Variants in CREB5 observed in about 807,000 individuals in gnomAD.
CREB5 encodes the protein cAMP responsive element binding protein 5.
CREB5 carries 19 observed loss-of-function variants against 57.1 expected under a neutral mutation model. The observed-to-expected ratio is 0.33, with a 90% CI of 0.23 to 0.49. The LOEUF (loss-of-function observed/expected upper bound fraction) is 0.49, where lower values mean the gene tolerates loss of function less well. CREB5 is among the 20% of genes least tolerant of loss of function. The pLI is 0.99. For synonymous variants in CREB5, 238 were observed against 238.3 expected (o/e 1.00, Z 0.01); for missense variants, 579 against 671.6 (o/e 0.86, Z 1.52).
chr7:28,616,921 G>A (rs1473131086), intron 5 of CREB5, among the ~76,000 whole-genome samples: 2 of 152,144 alleles, frequency 1.3e-5, no homozygotes, highest in Non-Finnish European at 2.9e-5. Context: ...ACAAGTGTTT[G>A]TACTATCTAA....
chr7:28,633,873 C>A (rs1169546318), intron 5 of CREB5, among the ~76,000 whole-genome samples: 1 of 152,162 alleles, frequency 6.6e-6, no homozygotes, highest in East Asian at 1.9e-4. Flanking sequence ...TATTGGGCAG[C>A]ACAGAATTCA....
At chr7:28,376,865 A>T (rs1786841706) in intron 1 of CREB5, among the ~76,000 whole-genome samples, 1 of 152,198 alleles carries the variant, frequency 6.6e-6, no homozygotes, top group Non-Finnish European at 1.5e-5. Context: ...TATTTACATA[A>T]CTAGGTTGGC....
chr7:28,770,652 C>T (rs560085061), intron 7 of CREB5, among the ~76,000 whole-genome samples: 1 of 152,292 alleles, frequency 6.6e-6, no homozygotes, highest in South Asian at 2.1e-4. Context: ...AATTGATCAT[C>T]TAATGATGGT....
intron 1 of CREB5, 59 bp downstream of exon 1, chr7:28,412,976 T>G: frequency 1.5e-6 from 2 of 1,348,588 alleles, no homozygotes; most frequent in South Asian, 4.0e-5. Flanking sequence ...CTTAGTTAAA[T>G]AGAACCAATG....
In CREB5 at chr7:28,804,322, T is replaced by C. The variant is rs760551160; in HGVS notation, c.826T>C (p.Ser276Pro). 1.2e-6 allele frequency: 2 copies of C among 1,613,618 alleles called. No individual in the cohort carries two copies. Among genetic ancestry groups the C allele is most frequent in the East Asian group, 4.5e-5 (2 of 44,884 alleles). ...CCAGACGCCACACCATCACATGCACTCGCACCCGCATCAGCACCAGACACT... is the reference window on the plus strand; with the variant it reads ...CCAGACGCCACACCATCACATGCACCCGCACCCGCATCAGCACCAGACACT... ...QDQTPHHHMHSHPHQHQTLPP... is the reference protein window; with the variant it reads ...QDQTPHHHMHPHPHQHQTLPP... Residue 276 changes from serine (S) to proline (P), a missense_variant, in exon 8 of 11, where the codon TCG becomes CCG. This residue lies in a region of CREB5 where 459 missense variants were observed against 515.7 expected (regional missense o/e 0.89). Transcript: ENST00000357727.
intron 7 of CREB5, among the ~76,000 whole-genome samples, chr7:28,737,539 G>GTATATATA (rs59294932): frequency 7.5e-5 from 2 of 26,688 alleles, no homozygotes; most frequent in African/African-American, 1.2e-4. Flanking sequence ...ATATATATAC[G>GTATATATA]TATATATATA....
chr7:28,821,716 T>G lies in CREB5; in HGVS notation c.*2437T>G, dbSNP rs1809782222. ...TGAAATCAAAAATCATATTTCAAAA[T>G]TCTTTCCTAGGACCATCTATGTGTC... On this transcript the variant is annotated 3_prime_UTR_variant, in exon 11 of 11. Coordinates refer to ENST00000357727, the MANE Select transcript of CREB5 (RefSeq NM_182898.4). 6.6e-6 allele frequency: 1 copy of G among 152,324 alleles called. No individual in the cohort carries two copies. Among genetic ancestry groups the G allele is most frequent in the Admixed American group, 6.5e-5 (1 of 15,276 alleles). 9.4% of individuals were successfully genotyped at this position (152,324 alleles called of 1,614,324 possible).
At chr7:28,710,682 G>A (rs763111707) in intron 5 of CREB5, among the ~76,000 whole-genome samples, 31 of 152,108 alleles carry the variant, frequency 2.0e-4, no homozygotes, top group Non-Finnish European at 3.1e-4. Flanking sequence ...TCCCTTCTAA[G>A]AGCCTACAGA....
chr7:28,561,053 TTTCAGA>T (rs1795253738), intron 4 of CREB5, among the ~76,000 whole-genome samples: 1 of 150,564 alleles, frequency 6.6e-6, no homozygotes, highest in African/African-American at 2.4e-5. Flanking sequence ...TGAAGGTATT[TTTCAGA>T]TTCATGTGTT....
At chr7:28,604,584 A>G (rs929088344) in intron 5 of CREB5, among the ~76,000 whole-genome samples, 15 of 151,980 alleles carry the variant, frequency 9.9e-5, no homozygotes, top group African/African-American at 2.9e-4. Context: ...CAAGAACCCA[A>G]TAGATAATTT....
At position 28,386,122 on chromosome 7, in the gene CREB5, A is replaced by G. The variant is rs141534308; in HGVS notation, c.-25+86681A>G. ...ATAGTATCAATGTTTCTTTGGATTC[A>G]CCTACTTATTCGCATTTTCTTTGTC... On this transcript the variant is annotated intron_variant, in intron 1 of 9. Transcript: ENST00000396299. Among the ~76,000 whole-genome samples the G allele has an allele frequency of 4.6e-3, 697 of 152,214 alleles. 22 individuals carry two copies. In the South Asian group the frequency reaches 0.056, roughly 12 times the overall value.
intron 5 of CREB5, among the ~76,000 whole-genome samples, chr7:28,662,570 T>C (rs977897619): frequency 4.6e-5 from 7 of 152,158 alleles, no homozygotes; most frequent in Admixed American, 4.6e-4. Context: ...GTCATCTCTC[T>C]CTGAAAAGTT....
At chr7:28,375,805 C>T (rs929188743) in intron 1 of CREB5, among the ~76,000 whole-genome samples, 5 of 150,754 alleles carry the variant, frequency 3.3e-5, no homozygotes, top group East Asian at 3.9e-4. Flanking sequence ...TTTCAACTGA[C>T]AATAAGAAAA....
chr7:28,433,447 CT>C (rs1334702347), intron 1 of CREB5, among the ~76,000 whole-genome samples: 1 of 152,130 alleles, frequency 6.6e-6, no homozygotes, highest in African/African-American at 2.4e-5. Flanking sequence ...ATCTTTGTTT[CT>C]GCTTTTTGGC....
chr7:28,733,566 G>A (rs1416485705), intron 7 of CREB5, among the ~76,000 whole-genome samples: 1 of 152,182 alleles, frequency 6.6e-6, no homozygotes, highest in Non-Finnish European at 1.5e-5. Context: ...CCTTTCCTGT[G>A]AAGTCTTCTT....
chr7:28,410,247 C>G (rs1323552644), upstream of CREB5: 2 of 455,128 alleles, frequency 4.4e-6, no homozygotes, highest in South Asian at 1.6e-5. Context: ...TCCGTCCGCT[C>G]CAGTCCACTC....
At chr7:28,365,266 C>T (rs1191529403) in intron 1 of CREB5, among the ~76,000 whole-genome samples, 1 of 152,144 alleles carries the variant, frequency 6.6e-6, no homozygotes, top group Non-Finnish European at 1.5e-5. Context: ...TTCCACTATT[C>T]ATTTTCCTTG....
intron 5 of CREB5, among the ~76,000 whole-genome samples, chr7:28,599,956 G>C (rs1183953994): frequency 6.6e-6 from 1 of 152,122 alleles, no homozygotes; most frequent in Non-Finnish European, 1.5e-5. Context: ...AAAGACCACA[G>C]GGGATCAATA....
intron 9 of CREB5, among the ~76,000 whole-genome samples, chr7:28,817,803 G>A (rs1186120821): frequency 6.6e-6 from 1 of 152,100 alleles, no homozygotes; most frequent in Non-Finnish European, 1.5e-5. Context: ...ACCTGGCTTC[G>A]GTTCCCATCA....
Sources: allele counts gnomAD v4.1 joint callset (sites outside exome capture counted in the v4.1 genomes callset), GRCh38; gene constraint gnomAD v4.1.1; regional missense constraint gnomAD v4.1.1; transcripts MANE v1.5; gene names NCBI Gene and HGNC (gene_info 2026-07-23, HGNC 2026-07-21).